RSU1: variants seen among roughly 807,000 people sequenced by gnomAD.
The protein encoded by RSU1 is rsu-1.
Under a neutral mutation model 31.1 loss-of-function variants are expected in RSU1, and 26 were observed. The ratio of observed to expected loss-of-function variants is 0.84; its 90% CI spans 0.61 to 1.16. The LOEUF is 1.16. Among genes scored for constraint, RSU1 ranks in the 50% most tolerant of loss-of-function variants. The probability of loss-of-function intolerance (pLI) is 0.00; values close to 1 mark genes in which losing one functional copy is unlikely to be tolerated. For synonymous variants in RSU1, 164 were observed against 136.3 expected, an observed-to-expected ratio of 1.20 and a Z score of -1.41; for missense variants, 320 against 339.1, an observed-to-expected ratio of 0.94 and a Z score of 0.44.
At chr10:16,762,967 C>CGCCTGT (rs1837238739) in intron 4 of RSU1, among the ~76,000 whole-genome samples, 1 of 150,476 alleles carries the variant, frequency 6.6e-6, no homozygotes, top group African/African-American at 2.5e-5. Flanking sequence ...TAGCCCAGAT[C>CGCCTGT]GCCTGGTGAC....
chr10:16,613,457 A>T (rs1400729848), intron 8 of RSU1, among the ~76,000 whole-genome samples: 1 of 152,170 alleles, frequency 6.6e-6, no homozygotes, highest in South Asian at 2.1e-4. Context: ...TCACCACTCT[A>T]ACTTGGTGTA....
chr10:16,754,987 A>T lies in RSU1; in HGVS notation c.284T>A (p.Met95Lys). 6.2e-7 allele frequency: 1 copy of T among 1,606,484 alleles called. No homozygotes were observed. The change falls in exon 5 of 9, where the codon ATG becomes AAG. Residue 95 changes from methionine (M) to lysine (K), a missense_variant and splice_region_variant. Coordinates refer to ENST00000345264, the MANE Select transcript of RSU1 (RefSeq NM_012425.4). Reference sequence around the variant, plus strand: ...TCGTGGCAAAGTGTTCAGCCTGTTCATGCTGTTGCAGGGGGACAAAAATCT... The same window carrying T: ...TCGTGGCAAAGTGTTCAGCCTGTTCTTGCTGTTGCAGGGGGACAAAAATCT... Reference protein sequence around the residue: ...LQKLKHLNLGMNRLNTLPRGF... With the variant: ...LQKLKHLNLGKNRLNTLPRGF...
intron 7 of RSU1, among the ~76,000 whole-genome samples, chr10:16,740,785 A>G (rs1011102349): frequency 1.3e-5 from 2 of 152,214 alleles, no homozygotes; most frequent in Admixed American, 1.3e-4. Context: ...GAAATCTACA[A>G]AACATTACTG....
chr10:16,777,774 C>A (rs1258740070), intron 3 of RSU1, among the ~76,000 whole-genome samples: 1 of 152,172 alleles, frequency 6.6e-6, no homozygotes, highest in African/African-American at 2.4e-5. Flanking sequence ...AAAGACTCAG[C>A]TGACAGTGGC....
chr10:16,776,671 T>G (rs1837539450), intron 3 of RSU1, among the ~76,000 whole-genome samples: 2 of 152,052 alleles, frequency 1.3e-5, no homozygotes, highest in South Asian at 4.1e-4. Flanking sequence ...ACAATTACAT[T>G]CAGAGACCCA....
intron 7 of RSU1, among the ~76,000 whole-genome samples, chr10:16,713,451 A>G (rs962353750): frequency 6.6e-6 from 1 of 152,202 alleles, no homozygotes; most frequent in African/African-American, 2.4e-5. Flanking sequence ...CAAGTTCAGA[A>G]ATTACTCTGC....
intron 8 of RSU1, among the ~76,000 whole-genome samples, chr10:16,602,925 C>CTA (rs1331381021): frequency 6.6e-6 from 1 of 152,152 alleles, no homozygotes; most frequent in Admixed American, 6.5e-5. Flanking sequence ...TCCTAGCCGG[C>CTA]GGCTATCAGG....
intron 8 of RSU1, among the ~76,000 whole-genome samples, chr10:16,595,774 C>T (rs1339259382): frequency 6.6e-6 from 1 of 151,706 alleles, no homozygotes; most frequent in African/African-American, 2.4e-5. Context: ...GGAGACCATC[C>T]TGGCCAACAT....
chr10:16,637,285 T>C (rs1354858836), intron 8 of RSU1, among the ~76,000 whole-genome samples: 1 of 152,132 alleles, frequency 6.6e-6, no homozygotes, highest in East Asian at 1.9e-4. Flanking sequence ...CCACTGTGAG[T>C]GTAAACTAGT....
chr10:16,682,640 T>C (rs995366827), intron 8 of RSU1, among the ~76,000 whole-genome samples: 2 of 151,758 alleles, frequency 1.3e-5, no homozygotes, highest in Non-Finnish European at 2.9e-5. Flanking sequence ...ACTCTGTCTC[T>C]GGAGTAGCTG....
At chr10:16,665,632 G>A (rs773987558) in intron 8 of RSU1, among the ~76,000 whole-genome samples, 5 of 152,028 alleles carry the variant, frequency 3.3e-5, no homozygotes, top group South Asian at 2.1e-4. Context: ...ATAACTTTTC[G>A]TTTTGAACAA....
intron 4 of RSU1, among the ~76,000 whole-genome samples, chr10:16,755,560 C>T (rs1196987188): frequency 6.6e-6 from 1 of 151,974 alleles, no homozygotes; most frequent in Non-Finnish European, 1.5e-5. Context: ...CTATTTAACA[C>T]ACGCGCTGCC....
At chr10:16,641,974 G>T (rs1403009713) in intron 8 of RSU1, among the ~76,000 whole-genome samples, 1 of 152,172 alleles carries the variant, frequency 6.6e-6, no homozygotes, top group African/African-American at 2.4e-5. Context: ...TGTCCCACAG[G>T]ATTCCTTTTA....
chr10:16,593,585 T>C, intron 8 of RSU1, 89 bp from the exon 9 acceptor site: 1 of 1,004,804 alleles, frequency 1.0e-6, no homozygotes, highest in South Asian at 1.3e-5. Flanking sequence ...TAGAAGAATC[T>C]CCAAAAATAT....
chr10:16,666,246 T>G (rs528818246), intron 8 of RSU1, among the ~76,000 whole-genome samples: 5 of 134,616 alleles, frequency 3.7e-5, no homozygotes, highest in Admixed American at 3.7e-4. Context: ...CTGCTGAACT[T>G]CAAGGATATG....
At chr10:16,749,155 G>A (rs374490638) in intron 7 of RSU1, among the ~76,000 whole-genome samples, 130 of 152,260 alleles carry the variant, frequency 8.5e-4, no homozygotes, top group African/African-American at 3.0e-3. Flanking sequence ...TTTCTTATAG[G>A]TATATAGACT....
intron 8 of RSU1, among the ~76,000 whole-genome samples, chr10:16,620,878 A>G (rs1834057984): frequency 6.6e-6 from 1 of 151,936 alleles, no homozygotes; most frequent in Admixed American, 6.6e-5. Context: ...ATGGTAGTGA[A>G]TTTTATTTTG....
chr10:16,598,507 T>A (rs982401800), intron 8 of RSU1, among the ~76,000 whole-genome samples: 7 of 152,142 alleles, frequency 4.6e-5, no homozygotes, highest in African/African-American at 1.7e-4. Context: ...TGAGCCGTGA[T>A]CACACCACTG....
At chr10:16,726,267 C>CTTTTTTT (rs760586484) in intron 7 of RSU1, among the ~76,000 whole-genome samples, 3 of 137,084 alleles carry the variant, frequency 2.2e-5, no homozygotes, top group African/African-American at 8.9e-5. Context: ...AGGAACGTAT[C>CTTTTTTT]TTTTTTTTTT....
Sources: allele counts gnomAD v4.1 joint callset (sites outside exome capture counted in the v4.1 genomes callset), GRCh38; gene constraint gnomAD v4.1.1; transcripts MANE v1.5; gene names NCBI Gene and HGNC (gene_info 2026-07-23, HGNC 2026-07-21).